The following RAP1GAP2 variants were observed in gnomAD, a reference collection of about 807,000 sequenced individuals.
RAP1GAP2 encodes the protein RAP1 GTPase activating protein 2.
In RAP1GAP2, 27 loss-of-function variants were observed where a neutral mutation model predicts 95.0. The ratio of observed to expected loss-of-function variants is 0.28; its 90% CI spans 0.21 to 0.39. The LOEUF is 0.39. Among genes scored for constraint, RAP1GAP2 ranks in the 10% least tolerant of loss-of-function variants. RAP1GAP2 has a pLI of 1.00. For synonymous variants in RAP1GAP2, 373 were observed against 380.9 expected (o/e 0.98, Z 0.24); for missense variants, 771 against 970.0 (o/e 0.79, Z 2.72).
At chr17:3,025,744 G>A (rs550264454) in intron 19 of RAP1GAP2, among the ~76,000 whole-genome samples, 13 of 152,234 alleles carry the variant, frequency 8.5e-5, no homozygotes, top group African/African-American at 2.4e-4. Flanking sequence ...GCTAGAGGCC[G>A]TCAAGCCAGG....
intron 2 of RAP1GAP2, among the ~76,000 whole-genome samples, chr17:2,808,293 T>G (rs762948574): frequency 6.6e-6 from 1 of 152,006 alleles, no homozygotes; most frequent in Non-Finnish European, 1.5e-5. Flanking sequence ...AGAAGAAGGG[T>G]CAGCTGAGGA....
In RAP1GAP2 at chr17:2,991,235, C is replaced by T. The variant is rs187194188; in HGVS notation, c.814-62C>T. 9.4e-4 allele frequency: 1,258 copies of T among 1,333,608 alleles called. 12 individuals are homozygous for T. The African/African-American group carries it at 0.015, about 16-fold the overall frequency. 82.6% of individuals were successfully genotyped at this position (1,333,608 alleles called of 1,614,324 possible). A position where few individuals can be genotyped will look rare whatever the true frequency, so the allele number is the denominator to read the frequency against. ...GACCAGGTACCTGGGCATCCATATT[C>T]CTTCCTTTAGCATCAGAAAGAATTT... On this transcript the variant is annotated intron_variant, in intron 11 of 24. Transcript: ENST00000254695.
At chr17:2,850,643 G>C (rs62089724) in intron 2 of RAP1GAP2, among the ~76,000 whole-genome samples, 4 of 150,386 alleles carry the variant, frequency 2.7e-5, no homozygotes, top group Non-Finnish European at 5.9e-5. Flanking sequence ...CCAGCTACTC[G>C]GGAGGCTGAG....
At chr17:2,763,753 T>G (rs1207835538) in intron 1 of RAP1GAP2, among the ~76,000 whole-genome samples, 1 of 29,312 alleles carries the variant, frequency 3.4e-5, no homozygotes, top group South Asian at 1.1e-3. Flanking sequence ...CTCTGGGAGA[T>G]GGGGGTGGAG....
At chr17:3,031,530 T>TC (rs1422968799) in intron 23 of RAP1GAP2, among the ~76,000 whole-genome samples, 1 of 147,546 alleles carries the variant, frequency 6.8e-6, no homozygotes, top group Non-Finnish European at 1.5e-5. Context: ...CGCCAGACTA[T>TC]GGAGAACTCC....
chr17:2,942,112 T>C (rs1382301159), intron 3 of RAP1GAP2, among the ~76,000 whole-genome samples: 1 of 152,106 alleles, frequency 6.6e-6, no homozygotes, highest in African/African-American at 2.4e-5. Flanking sequence ...AGATGCTGAG[T>C]TGGCAAACCT....
chr17:2,847,046 T>C (rs560543731), intron 2 of RAP1GAP2, among the ~76,000 whole-genome samples: 241 of 152,350 alleles, frequency 1.6e-3, no homozygotes, highest in Non-Finnish European at 2.8e-3. Flanking sequence ...TCTTGCTCTG[T>C]CGCCCAGGTT....
intron 3 of RAP1GAP2, among the ~76,000 whole-genome samples, chr17:2,952,617 C>T (rs957154566): frequency 2.0e-5 from 3 of 152,188 alleles, no homozygotes; most frequent in Non-Finnish European, 4.4e-5. Flanking sequence ...TGTACTGTTT[C>T]TCATTCCTGC....
At chr17:2,862,801 C>A (rs2072455801) in intron 2 of RAP1GAP2, among the ~76,000 whole-genome samples, 1 of 152,014 alleles carries the variant, frequency 6.6e-6, no homozygotes. Context: ...AGTTCGAGAC[C>A]AGCCTGGCCA....
chr17:2,893,549 A>T (rs1038512789), intron 2 of RAP1GAP2, among the ~76,000 whole-genome samples: 5 of 152,220 alleles, frequency 3.3e-5, no homozygotes, highest in African/African-American at 1.2e-4. Context: ...GAATCATAAG[A>T]TGAATGCGCC....
chr17:2,953,713 GGC>G, intron 3 of RAP1GAP2, among the ~76,000 whole-genome samples: 1 of 152,092 alleles, frequency 6.6e-6, no homozygotes, highest in Non-Finnish European at 1.5e-5. Context: ...TGGGCATGGG[GGC>G]GCATGCCTGT....
intron 2 of RAP1GAP2, among the ~76,000 whole-genome samples, chr17:2,890,875 G>A (rs949225019): frequency 1.3e-5 from 2 of 151,400 alleles, no homozygotes; most frequent in Non-Finnish European, 2.9e-5. Flanking sequence ...TAGTAGAGAC[G>A]GGGTTTCACT....
chr17:2,799,327 G>A (rs890778582), intron 1 of RAP1GAP2, among the ~76,000 whole-genome samples: 8 of 152,208 alleles, frequency 5.3e-5, no homozygotes, highest in Admixed American at 2.6e-4. Flanking sequence ...TGGGAGAGAC[G>A]TGGGCCAGGC....
chr17:2,824,345 G>T (rs977516018), intron 2 of RAP1GAP2, among the ~76,000 whole-genome samples: 2 of 151,406 alleles, frequency 1.3e-5, no homozygotes, highest in African/African-American at 4.9e-5. Context: ...TACTTGGGAG[G>T]TTGAGGCAGG....
At chr17:2,961,890 A>ATTTTTT (rs34857082) in intron 4 of RAP1GAP2, among the ~76,000 whole-genome samples, 38 of 111,938 alleles carry the variant, frequency 3.4e-4, no homozygotes, top group African/African-American at 1.2e-3. Flanking sequence ...GACCCTAAGG[A>ATTTTTT]TTTTTTTTTT....
chr17:3,029,731 C>T lies in RAP1GAP2; in HGVS notation c.2108-1191C>T, dbSNP rs1271180257. Among the ~76,000 whole-genome samples, 2 of 152,128 alleles carry T rather than the reference C, an allele frequency of 1.3e-5. No individual in the cohort carries two copies. The highest frequency in any genetic ancestry group is 2.4e-5 in the African/African-American group (1 of 41,418). ...TTCCATACCCTCGGCCAGAGGACAG[C>T]CAGAAAGTCAAGTGGCCCTCCTGCC... On this transcript the variant is annotated intron_variant, in intron 22 of 24. Transcript: ENST00000254695. The surrounding 1 kb of genome is among the most constrained non-coding windows in gnomAD (Gnocchi z 4.4).
intron 3 of RAP1GAP2, among the ~76,000 whole-genome samples, chr17:2,937,926 C>T (rs1392107427): frequency 6.6e-6 from 1 of 152,124 alleles, no homozygotes; most frequent in Non-Finnish European, 1.5e-5. Context: ...GAGACATTTC[C>T]TGGCCTCTGT....
rs753536684 is a variant in RAP1GAP2, at chr17:2,832,354, C to G, written c.80+31804C>G. 1.1e-4 allele frequency among the ~76,000 whole-genome samples: 17 copies of G among 150,740 alleles called. No homozygotes were observed. The South Asian group carries it at 1.5e-3, about 13-fold the overall frequency. On this transcript the variant is annotated intron_variant, in intron 2 of 24. Coordinates refer to ENST00000254695, the MANE Select transcript of RAP1GAP2 (RefSeq NM_015085.5). Reference sequence around the variant, plus strand: ...TGGGTGGATCACGAGGTCAGGAGATCGAGATCATCCTGGCTAAAACGGTGA... The same window carrying G: ...TGGGTGGATCACGAGGTCAGGAGATGGAGATCATCCTGGCTAAAACGGTGA...
At chr17:2,977,023 G>C (rs1373077801) in intron 8 of RAP1GAP2, among the ~76,000 whole-genome samples, 1 of 151,496 alleles carries the variant, frequency 6.6e-6, no homozygotes, top group Non-Finnish European at 1.5e-5. Context: ...TGTAATTCCA[G>C]CTACTCGGGA....
Sources: allele counts gnomAD v4.1 joint callset (sites outside exome capture counted in the v4.1 genomes callset), GRCh38; gene constraint gnomAD v4.1.1; non-coding constraint Gnocchi (gnomAD v3.1); transcripts MANE v1.5; gene names NCBI Gene and HGNC (gene_info 2026-07-23, HGNC 2026-07-21).